APBA1: variants seen among roughly 807,000 people sequenced by gnomAD.
APBA1 encodes amyloid beta precursor protein binding family A member 1.
In APBA1, 55 loss-of-function variants were observed where a neutral mutation model predicts 86.6. The ratio of observed to expected loss-of-function variants is 0.64; its 90% CI spans 0.51 to 0.80. APBA1 has a LOEUF of 0.80. Ranked by LOEUF, APBA1 falls within the 30% of genes least tolerant of loss-of-function variation. The pLI is 0.00. For synonymous variants in APBA1, 511 were observed against 493.9 expected (o/e 1.03, Z -0.46); for missense variants, 1,090 against 1,183.0 (o/e 0.92, Z 1.15).
chr9:69,580,634 A>G (rs1398735657), intron 1 of APBA1, among the ~76,000 whole-genome samples: 1 of 152,200 alleles, frequency 6.6e-6, no homozygotes, highest in African/African-American at 2.4e-5. Flanking sequence ...GTGAAGTTCA[A>G]CCACAGCACA....
intron 2 of APBA1, among the ~76,000 whole-genome samples, chr9:69,513,016 T>C (rs1421533781): frequency 6.6e-6 from 1 of 152,198 alleles, no homozygotes; most frequent in African/African-American, 2.4e-5. Context: ...AAGGAAGGTC[T>C]TTCCTATAAA....
intron 1 of APBA1, among the ~76,000 whole-genome samples, chr9:69,575,866 T>C (rs2133952066): frequency 6.6e-6 from 1 of 152,266 alleles, no homozygotes; most frequent in African/African-American, 2.4e-5. Flanking sequence ...TGGGATCTAA[T>C]TAAACTAAAG....
intron 4 of APBA1, among the ~76,000 whole-genome samples, chr9:69,469,277 T>C (rs1393187713): frequency 6.6e-6 from 1 of 152,216 alleles, no homozygotes; most frequent in Non-Finnish European, 1.5e-5. Context: ...ACAATTTGCT[T>C]TTTCCTCTTG....
At chr9:69,636,925 A>AGGAAGGAAAGAC (rs749199077) in intron 1 of APBA1, among the ~76,000 whole-genome samples, 32 of 100,566 alleles carry the variant, frequency 3.2e-4, no homozygotes, top group Non-Finnish European at 6.1e-4. Context: ...GAAGGAAGGA[A>AGGAAGGAAAGAC]AGAAAGAAAG....
intron 1 of APBA1, among the ~76,000 whole-genome samples, chr9:69,552,468 A>C (rs1836801205): frequency 6.6e-6 from 1 of 152,198 alleles, no homozygotes; most frequent in African/African-American, 2.4e-5. Context: ...TTATTCCCCC[A>C]CTACCCCCAT....
intron 11 of APBA1, among the ~76,000 whole-genome samples, chr9:69,435,678 A>C (rs913802902): frequency 6.6e-6 from 1 of 152,098 alleles, no homozygotes; most frequent in African/African-American, 2.4e-5. Flanking sequence ...TTCATTGTAG[A>C]TTCTGGATAT....
Position 69,494,776 on chromosome 9 carries a change from T to C in APBA1, c.1201-18633A>G, listed in dbSNP as rs1835769818. On this transcript the variant is annotated intron_variant, in intron 2 of 12. Transcript: ENST00000265381. ...TTTAATTCCTATTAAGAGATATAGC[T>C]AAGAGCACAAGGAGATTTGCTGTAA... Among the ~76,000 whole-genome samples the C allele has an allele frequency of 4.6e-5, 7 of 152,220 alleles. No homozygotes were observed. The South Asian group carries it at 1.5e-3, about 32-fold the overall frequency.
At chr9:69,567,355 A>C (rs1169558276) in intron 1 of APBA1, among the ~76,000 whole-genome samples, 1 of 152,084 alleles carries the variant, frequency 6.6e-6, no homozygotes, top group Non-Finnish European at 1.5e-5. Context: ...ACCGCCATGC[A>C]ACACAGAGTC....
At chr9:69,640,858 A>C (rs1468233520) in intron 1 of APBA1, among the ~76,000 whole-genome samples, 6 of 152,008 alleles carry the variant, frequency 3.9e-5, no homozygotes, top group Admixed American at 3.9e-4. Flanking sequence ...TCATCATTTC[A>C]ATTATTTCAA....
chr9:69,486,076 C>A (rs1835605186), intron 2 of APBA1, among the ~76,000 whole-genome samples: 1 of 151,992 alleles, frequency 6.6e-6, no homozygotes, highest in Non-Finnish European at 1.5e-5. Context: ...CTCAGCCTCC[C>A]AAGTAGCTGG....
At chr9:69,661,894 A>G (rs1362253514) in intron 1 of APBA1, among the ~76,000 whole-genome samples, 5 of 152,000 alleles carry the variant, frequency 3.3e-5, no homozygotes, top group Admixed American at 2.0e-4. Context: ...CCCTTACCAG[A>G]TGCAGCTGCC....
chr9:69,647,646 A>T (rs1240545131), intron 1 of APBA1, among the ~76,000 whole-genome samples: 1 of 152,234 alleles, frequency 6.6e-6, no homozygotes, highest in African/African-American at 2.4e-5. Context: ...TATGCATGCC[A>T]TTAAACAGAA....
chr9:69,517,522 C>T (rs1266865266), intron 1 of APBA1, among the ~76,000 whole-genome samples: 1 of 150,462 alleles, frequency 6.6e-6, no homozygotes, highest in Non-Finnish European at 1.5e-5. Flanking sequence ...ACACTGAGCG[C>T]CTCAGGAACG....
intron 10 of APBA1, among the ~76,000 whole-genome samples, chr9:69,448,890 A>C (rs1334615699): frequency 2.6e-5 from 4 of 152,186 alleles, no homozygotes; most frequent in African/African-American, 9.7e-5. Flanking sequence ...GTGCTCAAAA[A>C]ACTCCACATG....
At chr9:69,655,829 C>T (rs889504056) in intron 1 of APBA1, among the ~76,000 whole-genome samples, 2 of 152,124 alleles carry the variant, frequency 1.3e-5, no homozygotes, top group Non-Finnish European at 2.9e-5. Context: ...AGTTCTGTTA[C>T]ATTAGCAGGG....
rs760489096 is a variant in APBA1, at chr9:69,517,083, T to TGCG, written c.125_127dup (p.Pro42dup). On this transcript the variant is annotated inframe_insertion, in exon 2 of 13. Transcript: ENST00000265381. ...GTGGCGGCCCACATAGTGCTGCTGC[T>TGCG]GCGGCGGCTGCTGCTGTTCCTCTTC... The TGCG allele has an allele frequency of 1.6e-5, 26 of 1,579,964 alleles. No homozygotes were observed. Among genetic ancestry groups the TGCG allele is most frequent in the South Asian group, 2.3e-5 (2 of 87,562 alleles).
intron 6 of APBA1, 87 bp from the exon 7 acceptor site, chr9:69,457,226 C>T (rs1052551591): frequency 2.0e-5 from 19 of 953,074 alleles, no homozygotes; most frequent in Middle Eastern, 2.2e-4. Context: ...CACACAGAGG[C>T]ACCACGACAC....
intron 1 of APBA1, among the ~76,000 whole-genome samples, chr9:69,661,259 A>G (rs1823748038): frequency 6.6e-6 from 1 of 152,202 alleles, no homozygotes; most frequent in Non-Finnish European, 1.5e-5. Context: ...AAGTTTGTCA[A>G]CTTCTGGTTT....
At chr9:69,549,563 C>T (rs1836752513) in intron 1 of APBA1, among the ~76,000 whole-genome samples, 1 of 152,178 alleles carries the variant, frequency 6.6e-6, no homozygotes, top group South Asian at 2.1e-4. Context: ...CTCTCAAGTT[C>T]GTCTACGACT....
Sources: gnomAD v4.1 joint callset for allele counts (sites outside exome capture counted in the v4.1 genomes callset) on GRCh38, gnomAD v4.1.1 for gene constraint, MANE v1.5 for transcripts, NCBI Gene and HGNC (gene_info 2026-07-23, HGNC 2026-07-21) for gene names.